CALN1: variants seen among roughly 807,000 people sequenced by gnomAD.
The protein encoded by CALN1 is calneuron 1, also known as calcium-binding protein 8.
Under a neutral mutation model 30.6 loss-of-function variants are expected in CALN1, and 17 were observed. The ratio of observed to expected loss-of-function variants is 0.56; its 90% CI spans 0.38 to 0.83. CALN1 has a LOEUF of 0.83. Among genes scored for constraint, CALN1 ranks in the 40% least tolerant of loss-of-function variants. The pLI is 0.00. For synonymous variants in CALN1, 156 were observed against 131.4 expected (o/e 1.19, Z -1.28); for missense variants, 291 against 354.9 (o/e 0.82, Z 1.45).
chr7:72,276,463 G>A (rs1210019386), intron 3 of CALN1, among the ~76,000 whole-genome samples: 1 of 152,152 alleles, frequency 6.6e-6, no homozygotes, highest in Admixed American at 6.5e-5. Context: ...GATTAGGAGG[G>A]AGCAGCCCTC....
At chr7:71,889,723 G>A (rs1334765564) in intron 5 of CALN1, among the ~76,000 whole-genome samples, 1 of 152,212 alleles carries the variant, frequency 6.6e-6, no homozygotes, top group African/African-American at 2.4e-5. Flanking sequence ...GGGAGGCTGA[G>A]GTGGGCAGAT....
intron 4 of CALN1, chr7:72,103,064 T>G (rs1159080907): frequency 4.7e-5 from 4 of 85,288 alleles, no homozygotes; most frequent in Admixed American, 3.4e-4. Flanking sequence ...AGAGCGAGAC[T>G]CCGTCAAAAA....
intron 1 of CALN1, among the ~76,000 whole-genome samples, chr7:72,410,983 T>A (rs1008010631): frequency 6.6e-6 from 1 of 152,186 alleles, no homozygotes; most frequent in Non-Finnish European, 1.5e-5. Flanking sequence ...TATGATTATA[T>A]GTATGGAAAA....
At chr7:72,088,278 C>G (rs1355167382) in intron 4 of CALN1, among the ~76,000 whole-genome samples, 1 of 152,170 alleles carries the variant, frequency 6.6e-6, no homozygotes, top group Non-Finnish European at 1.5e-5. Context: ...CATTTTCAAA[C>G]TTCCTGGATA....
chr7:72,403,854 T>C (rs370568336), intron 1 of CALN1, among the ~76,000 whole-genome samples: 4 of 152,186 alleles, frequency 2.6e-5, no homozygotes, highest in Non-Finnish European at 4.4e-5. Flanking sequence ...AGAAACTAAA[T>C]GGGGGACTGA....
intron 1 of CALN1, among the ~76,000 whole-genome samples, chr7:72,426,339 G>A (rs1169380905): frequency 2.6e-5 from 4 of 152,224 alleles, no homozygotes; most frequent in African/African-American, 7.2e-5. Flanking sequence ...CCAGGTAAGA[G>A]GTGATTGGAT....
intron 3 of CALN1, among the ~76,000 whole-genome samples, chr7:72,260,432 A>G (rs928818026): frequency 3.9e-5 from 6 of 152,172 alleles, no homozygotes; most frequent in African/African-American, 1.4e-4. Context: ...GGGTGCACAG[A>G]CCCCAGGTTA....
intron 3 of CALN1, among the ~76,000 whole-genome samples, chr7:72,244,603 T>C (rs564484167): frequency 6.6e-6 from 1 of 150,932 alleles, no homozygotes. Context: ...TTGAAGAGAA[T>C]GAATTTCATC....
intron 3 of CALN1, among the ~76,000 whole-genome samples, chr7:72,265,576 A>G (rs1248649178): frequency 2.0e-5 from 3 of 152,120 alleles, no homozygotes. Context: ...TAATTAGCTT[A>G]CTAGATCTGT....
chr7:71,966,507 G>C (rs1020331295), intron 5 of CALN1, among the ~76,000 whole-genome samples: 3 of 152,116 alleles, frequency 2.0e-5, no homozygotes, highest in Admixed American at 6.6e-5. Context: ...ATTTAAAAGT[G>C]TGTGGCACCT....
At chr7:71,790,128 A>G (rs571532781) in intron 6 of CALN1, among the ~76,000 whole-genome samples, 1 of 65,762 alleles carries the variant, frequency 1.5e-5, no homozygotes, top group South Asian at 4.7e-4. Context: ...GAGAGAAGAA[A>G]GAAGAAAGAA....
chr7:72,234,255 CAAGAG>C (rs2129550818), intron 3 of CALN1, among the ~76,000 whole-genome samples: 1 of 152,198 alleles, frequency 6.6e-6, no homozygotes, highest in South Asian at 2.1e-4. Flanking sequence ...TGGATGTCAA[CAAGAG>C]AAGACAAGAA....
In CALN1 at chr7:72,400,011, T is replaced by G. The variant is rs757036596; in HGVS notation, c.119+3240A>C. Among the ~76,000 whole-genome samples the G allele has an allele frequency of 5.1e-4, 78 of 152,340 alleles. 1 individual carries two copies. The highest frequency in any genetic ancestry group is 3.4e-3 in the Middle Eastern group (1 of 294). Reference sequence around the variant, plus strand: ...CGTTCCACTATGATTAGAACCTTCCTGAGGTCCTCAGCAGAAGCAGATTAG... The same window carrying G: ...CGTTCCACTATGATTAGAACCTTCCGGAGGTCCTCAGCAGAAGCAGATTAG... On this transcript the variant is annotated intron_variant, in intron 2 of 6. Transcript: ENST00000395275.
At chr7:71,990,034 G>A (rs117916988) in intron 5 of CALN1, among the ~76,000 whole-genome samples, 1 of 152,176 alleles carries the variant, frequency 6.6e-6, no homozygotes, top group Admixed American at 6.5e-5. Context: ...CTACTGGGCT[G>A]CATTCCCAGG....
At chr7:71,918,831 T>C (rs1283621499) in intron 5 of CALN1, among the ~76,000 whole-genome samples, 1 of 152,228 alleles carries the variant, frequency 6.6e-6, no homozygotes, top group African/African-American at 2.4e-5. Context: ...CAAGTCTTCC[T>C]TCCTTTGTGA....
the CALN1 span, among the ~76,000 whole-genome samples, chr7:72,452,255 T>C: frequency 6.6e-6 from 1 of 152,100 alleles, no homozygotes; most frequent in Admixed American, 6.6e-5. Context: ...TCTGCTCTGA[T>C]CTCATTCCCA....
chr7:72,271,575 A>AAAAAAAAAAAAATATATAT, intron 3 of CALN1, among the ~76,000 whole-genome samples: 4 of 52,126 alleles, frequency 7.7e-5, no homozygotes, highest in East Asian at 9.9e-4. Flanking sequence ...AAAAAAAAAA[A>AAAAAAAAAAAAATATATAT]ATATATATAT....
chr7:72,151,876 T>A (rs915236756), intron 3 of CALN1, among the ~76,000 whole-genome samples: 16 of 149,450 alleles, frequency 1.1e-4, no homozygotes, highest in African/African-American at 3.5e-4. Flanking sequence ...CACACCTGGC[T>A]ATTTTTATTT....
rs571646784 is a variant in CALN1, at chr7:71,812,751, C to T, written c.502-2259G>A. On this transcript the variant is annotated intron_variant, in intron 5 of 6. Coordinates refer to ENST00000395275, the MANE Select transcript of CALN1 (RefSeq NM_031468.4). ...AAAGCCCCCATTTCTATTTCTAGTT[C>T]TATTTTTTTAGAGACAAGGTCTTGC... Among the ~76,000 whole-genome samples the T allele has an allele frequency of 6.6e-5, 10 of 151,872 alleles. No homozygotes were observed. In the East Asian group the frequency reaches 1.9e-3, roughly 29 times the overall value.
Sources: allele counts gnomAD v4.1 joint callset (sites outside exome capture counted in the v4.1 genomes callset), GRCh38; gene constraint gnomAD v4.1.1; transcripts MANE v1.5; gene names NCBI Gene and HGNC (gene_info 2026-07-23, HGNC 2026-07-21).